PITX3: variants seen among roughly 807,000 people sequenced by gnomAD.
The protein encoded by PITX3 is paired like homeodomain 3.
Under a neutral mutation model 14.2 loss-of-function variants are expected in PITX3, and 4 were observed. The ratio of observed to expected loss-of-function variants is 0.28; its 90% CI spans 0.14 to 0.65. PITX3 has a LOEUF of 0.65. PITX3 is among the 30% of genes least tolerant of loss of function. The pLI is 0.82. For synonymous variants in PITX3, 194 were observed against 204.5 expected, an observed-to-expected ratio of 0.95 and a Z score of 0.44; for missense variants, 358 against 426.8, an observed-to-expected ratio of 0.84 and a Z score of 1.42.
Position 102,230,603 on chromosome 10 carries a change from G to A in PITX3, c.820C>T (p.His274Tyr), listed in dbSNP as rs1423523853. ...ACAGCGGGGTAGCTGAAGGAGGCGT[G>A]CTGTTTGGCTTTGAGCCGCAGGCTG... ...LASLRLKAKQ[H>Y]ASFSYPAVHG... is the part of the protein sequence containing the mutation. The change falls in exon 4 of 4, where the codon CAC becomes TAC. Residue 274 changes from histidine (H) to tyrosine (Y), a missense_variant. Physicochemically the swap from His to Tyr is moderately conservative, Grantham distance 83. Around this residue, in one of 3 missense-constraint regions of PITX3, gnomAD observed 236 missense variants for 250.2 expected, o/e 0.94. Transcript: ENST00000370002. The A allele has an allele frequency of 6.2e-7, 1 of 1,610,844 alleles. No homozygotes were observed. The highest frequency in any genetic ancestry group is 8.5e-7 in the Non-Finnish European group (1 of 1,178,896).
chr10:102,231,947 A>C lies in PITX3; in HGVS notation c.118+16T>G, dbSNP rs1278649256. The C allele has an allele frequency of 1.3e-6, 2 of 1,591,156 alleles. No homozygotes were observed. The highest frequency in any genetic ancestry group is 4.5e-5 in the East Asian group (2 of 44,762). On this transcript the variant is annotated intron_variant, in intron 2 of 3. Transcript: ENST00000370002. The stretch of plus-strand genomic sequence containing the variant: ...AAGCTGTTATGTCCTGCACCCCCGG[A>C]AGGGGGCGCGCTTACCGCTGTGCTC...
In PITX3 at chr10:102,231,588, C is replaced by G; in HGVS notation, c.321G>C (p.Arg107=). 1 of 1,591,492 alleles carries G rather than the reference C, an allele frequency of 6.3e-7. No homozygotes were observed. Among genetic ancestry groups the G allele is most frequent in the South Asian group, 1.1e-5 (1 of 88,804 alleles). The change falls in exon 3 of 4, where the codon CGG becomes CGC. Residue 107 remains arginine (R), a splice_region_variant and synonymous_variant. Coordinates refer to ENST00000370002, the MANE Select transcript of PITX3 (RefSeq NM_005029.4). ...CGAGTCGCGGGTCTGGAGAGCATAC[C>G]CGCACGCGGGCCTCGGTGAGGTTGG... is the stretch of plus-strand genomic sequence containing the variant. ...VWTNLTEARV[R]VWFKNRRAKW... is the part of the protein sequence containing the mutation.
intron 1 of PITX3, among the ~76,000 whole-genome samples, chr10:102,234,104 A>G (rs746263685): frequency 2.6e-5 from 4 of 152,186 alleles, no homozygotes; most frequent in African/African-American, 4.8e-5. Context: ...GCTGCACAGG[A>G]TGGCATTAAT....
chr10:102,230,386 T>A lies in PITX3; in HGVS notation c.*128A>T. The A allele has an allele frequency of 7.2e-7, 1 of 1,394,642 alleles. No homozygotes were observed. The highest frequency in any genetic ancestry group is 9.7e-7 in the Non-Finnish European group (1 of 1,034,738). The allele number at this position is 1,394,642 out of a possible 1,614,324, so 86.4% of individuals were successfully genotyped here. ...AGGGGAAGGCCCTCTCCTGAGCCGG[T>A]GCCCCCCAGCTGCCCAAACACCCCT... On this transcript the variant is annotated 3_prime_UTR_variant, in exon 4 of 4. Transcript: ENST00000370002.
In PITX3 at chr10:102,231,008, C is replaced by T. The variant is rs2133795707; in HGVS notation, c.415G>A (p.Gly139Arg). The T allele has an allele frequency of 1.3e-6, 2 of 1,598,744 alleles. No homozygotes were observed. Among genetic ancestry groups the T allele is most frequent in the South Asian group, 1.1e-5 (1 of 89,630 alleles). Residue 139 changes from glycine to arginine, a missense_variant, in exon 4 of 4, where the codon GGG becomes AGG. Physicochemically the swap from Gly to Arg is moderately radical, Grantham distance 125 (BLOSUM62 -2). This residue lies in a region of PITX3 where 236 missense variants were observed against 250.2 expected (regional missense o/e 0.94). Transcript: ENST00000370002. ...ACCTCCTCGTAGGGCGGCACCAGCC[C>T]CCCGAGCGGCGCCGCGAAGCTGCCT... ...CKGSFAAPLGGLVPPYEEVYP... is the reference protein window; with the variant it reads ...CKGSFAAPLGRLVPPYEEVYP...
chr10:102,233,091 C>A (rs1301932523), intron 1 of PITX3, among the ~76,000 whole-genome samples: 1 of 151,968 alleles, frequency 6.6e-6, no homozygotes, highest in Non-Finnish European at 1.5e-5. Flanking sequence ...TCTTTGTTTG[C>A]TTTTTATTTT....
chr10:102,238,501 A>G (rs4919620), intron 1 of PITX3, among the ~76,000 whole-genome samples: 102,455 of 152,096 alleles, frequency 0.67, 35,176 homozygotes, highest in African/African-American at 0.81. Flanking sequence ...TCTGAAGTCC[A>G]CGATAGGGTG....
chr10:102,239,723 CT>C (rs1311241985), intron 1 of PITX3, among the ~76,000 whole-genome samples: 16 of 152,356 alleles, frequency 1.1e-4, no homozygotes, highest in African/African-American at 3.4e-4. Context: ...CAGTCCCCAG[CT>C]GGGCTATCTT....
At chr10:102,231,184 G>A in intron 3 of PITX3, 83 bp from the exon 4 acceptor site, 1 of 1,323,500 alleles carries the variant, frequency 7.6e-7, no homozygotes, top group Admixed American at 2.8e-5. Flanking sequence ...GGGGCTTCCA[G>A]CCGGGGCCCT....
At chr10:102,233,301 C>CTTT in intron 1 of PITX3, among the ~76,000 whole-genome samples, 1 of 88,390 alleles carries the variant, frequency 1.1e-5, no homozygotes, top group African/African-American at 5.5e-5. Flanking sequence ...TTTTTTTTTC[C>CTTT]TTCTTTTTTT....
chr10:102,232,124 A>C (rs746242840), intron 1 of PITX3, 32 bp from the exon 2 acceptor site: 2 of 1,245,234 alleles, frequency 1.6e-6, no homozygotes. Flanking sequence ...GACCAGGGTA[A>C]TGGGGGTAAA....
rs1191131293 is a variant in PITX3, at chr10:102,230,759, G to A, written c.664C>T (p.Pro222Ser). 1 of 1,492,484 alleles carries A rather than the reference G, an allele frequency of 6.7e-7. No individual in the cohort carries two copies. Among genetic ancestry groups the A allele is most frequent in the South Asian group, 1.3e-5 (1 of 75,224 alleles). The allele number at this position is 1,492,484 out of a possible 1,614,324, so 92.5% of individuals were successfully genotyped here. Reference protein sequence around the residue: ...PGALQGLGGGPPGLAPAAVSS... With the variant: ...PGALQGLGGGSPGLAPAAVSS... ...ACGGCGGCCGGAGCCAGCCCGGGGGGGCCCCCGCCCAGGCCCTGCAGGGCC... is the reference window on the plus strand; with the variant it reads ...ACGGCGGCCGGAGCCAGCCCGGGGGAGCCCCCGCCCAGGCCCTGCAGGGCC... The change falls in exon 4 of 4, where the codon CCC becomes TCC. Residue 222 changes from proline to serine, a missense_variant. This residue lies in a region of PITX3 where 236 missense variants were observed against 250.2 expected (regional missense o/e 0.94). Coordinates refer to ENST00000370002, the MANE Select transcript of PITX3 (RefSeq NM_005029.4).
intron 2 of PITX3, 73 bp downstream of exon 2, chr10:102,231,890 G>C (rs769918964): frequency 7.1e-6 from 11 of 1,555,848 alleles, no homozygotes; most frequent in South Asian, 1.1e-5. Context: ...CACCGGGGCT[G>C]CCCAGCCGGG....
At chr10:102,233,738 G>A (rs1436780581) in intron 1 of PITX3, among the ~76,000 whole-genome samples, 2 of 152,198 alleles carry the variant, frequency 1.3e-5, no homozygotes, top group African/African-American at 4.8e-5. Flanking sequence ...TCCCACCAGT[G>A]ACTGCTCCAC....
At chr10:102,239,485 G>A (rs1038896979) in intron 1 of PITX3, among the ~76,000 whole-genome samples, 22 of 152,298 alleles carry the variant, frequency 1.4e-4, no homozygotes, top group Admixed American at 9.8e-4. Flanking sequence ...AGAATGTGAT[G>A]GGGATAATTG....
At position 102,230,912 on chromosome 10, in the gene PITX3, G is replaced by C. The variant is rs1274463876; in HGVS notation, c.511C>G (p.Pro171Ala). Residue 171 changes from proline (P) to alanine (A), a missense_variant, in exon 4 of 4, where the codon CCA becomes GCA. Coordinates refer to ENST00000370002, the MANE Select transcript of PITX3 (RefSeq NM_005029.4). Reference sequence around the variant, plus strand: ...ACGTTGACCGAGTTGAAGGCGAATGGAAAGGTCTTGGCGGCGAGCGGCGGG... The same window carrying C: ...ACGTTGACCGAGTTGAAGGCGAATGCAAAGGTCTTGGCGGCGAGCGGCGGG... ...LAPPLAAKTF[P>A]FAFNSVNVGP... The C allele has an allele frequency of 6.2e-7, 1 of 1,612,150 alleles. No homozygotes were observed. The highest frequency in any genetic ancestry group is 1.7e-5 in the Admixed American group (1 of 59,950).
Position 102,231,757 on chromosome 10 carries a change from C to G in PITX3, c.152G>C (p.Gly51Ala), listed in dbSNP as rs755094269. 1.2e-6 allele frequency: 2 copies of G among 1,607,690 alleles called. No homozygotes were observed. Among genetic ancestry groups the G allele is most frequent in the Non-Finnish European group, 1.7e-6 (2 of 1,178,168 alleles). The change falls in exon 3 of 4, where the codon GGC becomes GCC. Residue 51 changes from glycine (G) to alanine (A), a missense_variant. Around this residue, in one of 3 missense-constraint regions of PITX3, gnomAD observed 72 missense variants for 79.9 expected, o/e 0.90. Transcript: ENST00000370002. ...TTTCAGCGAACCGTCCTCTGGGGAG[C>G]CGCCGGGCAGCGAAGCCGAGGCCTT... is the stretch of plus-strand genomic sequence containing the variant. Reference protein sequence around the residue: ...SEKASASLPGGSPEDGSLKKK... With the variant: ...SEKASASLPGASPEDGSLKKK...
chr10:102,232,267 G>C lies in PITX3; in HGVS notation c.-12-175C>G, dbSNP rs540682168. Among the ~76,000 whole-genome samples, 8 of 152,356 alleles carry C rather than the reference G, an allele frequency of 5.3e-5. No individual in the cohort carries two copies. The East Asian group carries it at 1.5e-3, about 29-fold the overall frequency. On this transcript the variant is annotated intron_variant, in intron 1 of 3. Coordinates refer to ENST00000370002, the MANE Select transcript of PITX3 (RefSeq NM_005029.4). ...CGGGAAATAGCATCCTAAGGACGCAGAGGTGCATGCTGAGAGGTTCTCTGC... is the reference window on the plus strand; with the variant it reads ...CGGGAAATAGCATCCTAAGGACGCACAGGTGCATGCTGAGAGGTTCTCTGC...
chr10:102,236,045 GA>G (rs1372747557), intron 1 of PITX3, among the ~76,000 whole-genome samples: 1 of 152,148 alleles, frequency 6.6e-6, no homozygotes, highest in Non-Finnish European at 1.5e-5. Flanking sequence ...AAGAGAGAAG[GA>G]AAGAACAGTA....
Sources: allele counts gnomAD v4.1 joint callset (sites outside exome capture counted in the v4.1 genomes callset), GRCh38; gene constraint gnomAD v4.1.1; regional missense constraint gnomAD v4.1.1; transcripts MANE v1.5; gene names NCBI Gene and HGNC (gene_info 2026-07-23, HGNC 2026-07-21).